Variants in ZNF264 observed in about 807,000 individuals in gnomAD.
ZNF264 encodes zinc finger protein 264.
A neutral mutation model predicts 11.2 loss-of-function variants in ZNF264; 11 were observed. That is an observed-to-expected ratio of 0.98 (90% confidence interval 0.62 to 1.63). The LOEUF is 1.63. ZNF264 is among the 40% of genes most tolerant of loss of function. The pLI, the probability that ZNF264 is intolerant of heterozygous loss-of-function variation, is 0.00. For synonymous variants in ZNF264, 309 were observed against 279.8 expected (o/e 1.10, Z -1.04); for missense variants, 752 against 768.1 (o/e 0.98, Z 0.25).
At chr19:57,205,585 T>C in intron 3 of ZNF264, 93 bp downstream of exon 3, 1 of 1,121,350 alleles carries the variant, frequency 8.9e-7, no homozygotes, top group South Asian at 1.3e-5. Flanking sequence ...AGCTTCTCAT[T>C]GTGGCCTCTC....
chr19:57,214,942 T>C lies in ZNF264; in HGVS notation c.*1961T>C, dbSNP rs1345327443. On this transcript the variant is annotated 3_prime_UTR_variant, in exon 4 of 4. Coordinates refer to ENST00000263095, the MANE Select transcript of ZNF264 (RefSeq NM_003417.5). ...AGAGTATAATTGTTTTTATATATCA[T>C]TTGACATCATTCCCTTTGTTTGTAT... 6.6e-6 allele frequency: 1 copy of C among 152,248 alleles called. No homozygotes were observed. The highest frequency in any genetic ancestry group is 1.5e-5 in the Non-Finnish European group (1 of 68,042). The allele number at this position is 152,248 out of a possible 1,614,324, so 9.4% of individuals were successfully genotyped here.
In ZNF264 at chr19:57,191,889, G is replaced by A. The variant is rs781585773; in HGVS notation, c.-25G>A. Reference sequence around the variant, plus strand: ...GGCCGCCCGGGGCTCCTCTGTCCCAGCTCTGCGGCCCAGGGGGTGACGTGA... The same window carrying A: ...GGCCGCCCGGGGCTCCTCTGTCCCAACTCTGCGGCCCAGGGGGTGACGTGA... On this transcript the variant is annotated 5_prime_UTR_variant, in exon 1 of 4. Coordinates refer to ENST00000263095, the MANE Select transcript of ZNF264 (RefSeq NM_003417.5). 10 of 1,441,288 alleles carry A rather than the reference G, an allele frequency of 6.9e-6. No individual in the cohort carries two copies. In the African/African-American group the frequency reaches 1.3e-4, roughly 19 times the overall value. The allele number at this position is 1,441,288 out of a possible 1,614,324, so 89.3% of individuals were successfully genotyped here. A position where few individuals can be genotyped will look rare whatever the true frequency, so the allele number is the denominator to read the frequency against.
rs1308334604 is a variant in ZNF264, at chr19:57,216,861, AC to A, written c.*3882del. ...TACTAGTCTTCCTATAGGTTACTTC[AC>A]CTTTTTTTTTTTTAATAATTTGATT... On this transcript the variant is annotated 3_prime_UTR_variant, in exon 4 of 4. Coordinates refer to ENST00000263095, the MANE Select transcript of ZNF264 (RefSeq NM_003417.5). 2 of 125,548 alleles carry A rather than the reference AC, an allele frequency of 1.6e-5. No homozygotes were observed. Among genetic ancestry groups the A allele is most frequent in the Admixed American group, 7.7e-5 (1 of 12,982 alleles). 7.8% of individuals were successfully genotyped at this position (125,548 alleles called of 1,614,324 possible).
rs534341211 is a variant in ZNF264 at position 57,212,196 on chromosome 19, G to A, written c.1099G>A (p.Gly367Arg). The A allele has an allele frequency of 3.8e-5, 62 of 1,614,170 alleles. No individual in the cohort carries two copies. The highest frequency in any genetic ancestry group is 3.7e-4 in the Admixed American group (22 of 60,024). Residue 367 changes from glycine to arginine, a missense_variant, in exon 4 of 4, where the codon GGG (glycine) becomes AGG (arginine). Physicochemically the swap from Gly to Arg is moderately radical, Grantham distance 125. Transcript: ENST00000263095. ...CATGTGGCACCAGCAGACTCATACC[G>A]GGGAGAAGCCCTATGAGTGCAGTGA... is the stretch of plus-strand genomic sequence containing the variant. ...YLMWHQQTHTGEKPYECSECG... is the reference protein window; with the variant it reads ...YLMWHQQTHTREKPYECSECG...
rs2087408112 is a variant in ZNF264, at chr19:57,220,261, A to G, written c.*7280A>G. 1 of 152,220 alleles carries G rather than the reference A, an allele frequency of 6.6e-6. No homozygotes were observed. Among genetic ancestry groups the G allele is most frequent in the African/African-American group, 2.4e-5 (1 of 41,450 alleles). The allele number at this position is 152,220 out of a possible 1,614,324, so 9.4% of individuals were successfully genotyped here. ...TGCTATAATCTGTTACTCTCATTCG[A>G]CAATACATCTTGACTGTTTCTTCAA... On this transcript the variant is annotated 3_prime_UTR_variant, in exon 4 of 4. Transcript: ENST00000263095.
rs1293923580 is a variant in ZNF264, at chr19:57,211,929, C to T, written c.832C>T (p.Gln278Ter). 1 of 1,613,644 alleles carries T rather than the reference C, an allele frequency of 6.2e-7. No individual in the cohort carries two copies. Among genetic ancestry groups the T allele is most frequent in the Admixed American group, 1.7e-5 (1 of 59,980 alleles). The change falls in exon 4 of 4, where the codon CAG becomes TAG. Residue 278 changes from glutamine to a stop codon, truncating the protein, a stop_gained. Coordinates refer to ENST00000263095, the MANE Select transcript of ZNF264 (RefSeq NM_003417.5). LOFTEE classifies it low-confidence loss of function (END_TRUNC). ...CCGCAAGTCATACCTTACCCAGCAC[C>T]AGCGGATTCACAGTGGAGAGAAGCC... ...FNRKSYLTQH[Q>*]RIHSGEKPYK...
intron 2 of ZNF264, among the ~76,000 whole-genome samples, chr19:57,202,716 C>A (rs2087262287): frequency 6.6e-6 from 1 of 151,924 alleles, no homozygotes; most frequent in Non-Finnish European, 1.5e-5. Flanking sequence ...CTAGGAGTCT[C>A]TTCATCTGTA....
intron 3 of ZNF264, 25 bp from the exon 4 acceptor site, chr19:57,211,329 C>T: frequency 1.3e-6 from 2 of 1,568,704 alleles, no homozygotes; most frequent in Non-Finnish European, 1.7e-6. Context: ...CTAACAGGCC[C>T]TTTTGTGTGC....
In ZNF264 at chr19:57,215,959, A is replaced by G. The variant is rs2087377105; in HGVS notation, c.*2978A>G. ...TCTGCTGTTACTGGGTGGAGTTTCT[A>G]TAAATGTCTCTATGATCCTGCTCAT... is the stretch of plus-strand genomic sequence containing the variant. On this transcript the variant is annotated 3_prime_UTR_variant, in exon 4 of 4. Coordinates refer to ENST00000263095, the MANE Select transcript of ZNF264 (RefSeq NM_003417.5). 6.6e-6 allele frequency: 1 copy of G among 152,188 alleles called. No individual in the cohort carries two copies. 9.4% of individuals were successfully genotyped at this position (152,188 alleles called of 1,614,324 possible).
In ZNF264 at chr19:57,213,055, A is replaced by T. The variant is rs1311312872; in HGVS notation, c.*74A>T. On this transcript the variant is annotated 3_prime_UTR_variant, in exon 4 of 4. Transcript: ENST00000263095. ...AGAAATTCGTTCAGTCTAGAGCCTT[A>T]TTCTCCATCTGATAATTTATCCTGG... 11 of 1,410,374 alleles carry T rather than the reference A, an allele frequency of 7.8e-6. No individual in the cohort carries two copies. The highest frequency in any genetic ancestry group is 2.9e-5 in the African/African-American group (2 of 69,646). 87.4% of individuals were successfully genotyped at this position (1,410,374 alleles called of 1,614,324 possible).
At chr19:57,207,180 T>G (rs953521720) in intron 3 of ZNF264, among the ~76,000 whole-genome samples, 1 of 151,884 alleles carries the variant, frequency 6.6e-6, no homozygotes, top group Non-Finnish European at 1.5e-5. Flanking sequence ...CCAGGCAGAT[T>G]AGGGGACTGG....
intron 2 of ZNF264, among the ~76,000 whole-genome samples, chr19:57,199,630 TC>T (rs1454118580): frequency 6.6e-6 from 1 of 151,870 alleles, no homozygotes; most frequent in African/African-American, 2.4e-5. Flanking sequence ...TCCAGCATTA[TC>T]CCACACCCTT....
At position 57,214,770 on chromosome 19, in the gene ZNF264, G is replaced by A. The variant is rs549230335; in HGVS notation, c.*1789G>A. The A allele has an allele frequency of 2.0e-5, 3 of 152,282 alleles. No individual in the cohort carries two copies. Among genetic ancestry groups the A allele is most frequent in the Non-Finnish European group, 4.4e-5 (3 of 68,032 alleles). 9.4% of individuals were successfully genotyped at this position (152,282 alleles called of 1,614,324 possible). On this transcript the variant is annotated 3_prime_UTR_variant, in exon 4 of 4. Coordinates refer to ENST00000263095, the MANE Select transcript of ZNF264 (RefSeq NM_003417.5). ...AGACTCTGTGTTGCTATGAATAAGT[G>A]TGGAATTTTGTTCAGTACTTTTTCT...
chr19:57,193,594 C>T (rs1476691359), intron 1 of ZNF264: 4 of 947,632 alleles, frequency 4.2e-6, no homozygotes, highest in Non-Finnish European at 5.0e-6. Flanking sequence ...ATTTCCCTGT[C>T]GTTTTAGAGC....
Position 57,212,593 on chromosome 19 carries a change from C to T in ZNF264, c.1496C>T (p.Thr499Met), listed in dbSNP as rs147865767. ...GKAFTRMSGL[T>M]RHKRIHSGEK... ...GCCTTCACCCGCATGTCGGGCCTCA[C>T]GAGGCACAAGCGGATTCATAGTGGA... Residue 499 changes from threonine to methionine, a missense_variant, in exon 4 of 4, where the codon ACG becomes ATG. Physicochemically the swap from Thr to Met is moderately conservative, Grantham distance 81. Transcript: ENST00000263095. 2.7e-5 allele frequency: 43 copies of T among 1,613,966 alleles called. No individual in the cohort carries two copies. In the African/African-American group the frequency reaches 2.7e-4, roughly 10 times the overall value.
At chr19:57,210,736 A>G (rs892218705) in intron 3 of ZNF264, among the ~76,000 whole-genome samples, 2 of 152,150 alleles carry the variant, frequency 1.3e-5, no homozygotes, top group African/African-American at 4.8e-5. Flanking sequence ...CCTTCTAATC[A>G]CGTGGTTTAG....
At position 57,218,750 on chromosome 19, in the gene ZNF264, T is replaced by C. The variant is rs1255251139; in HGVS notation, c.*5769T>C. 1 of 152,342 alleles carries C rather than the reference T, an allele frequency of 6.6e-6. No individual in the cohort carries two copies. Among genetic ancestry groups the C allele is most frequent in the Non-Finnish European group, 1.5e-5 (1 of 68,040 alleles). The allele number at this position is 152,342 out of a possible 1,614,324, so 9.4% of individuals were successfully genotyped here. On this transcript the variant is annotated 3_prime_UTR_variant, in exon 4 of 4. Transcript: ENST00000263095. ...TGATTGTTTTCTTTGTCATACCTAA[T>C]CTGTTGAGTTTGTGCAGTGAGTTTT...
At chr19:57,205,784 A>G (rs1417353151) in intron 3 of ZNF264, among the ~76,000 whole-genome samples, 1 of 152,200 alleles carries the variant, frequency 6.6e-6, no homozygotes, top group Non-Finnish European at 1.5e-5. Context: ...GTGGCTTGCC[A>G]GTCACCTGCT....
chr19:57,207,874 A>G (rs1276827569), intron 3 of ZNF264, among the ~76,000 whole-genome samples: 1 of 151,960 alleles, frequency 6.6e-6, no homozygotes, highest in Non-Finnish European at 1.5e-5. Context: ...TTATAGGTGC[A>G]TGCCACCACG....
Sources: allele counts gnomAD v4.1 joint callset (sites outside exome capture counted in the v4.1 genomes callset), GRCh38; gene constraint gnomAD v4.1.1; transcripts MANE v1.5; gene names NCBI Gene and HGNC (gene_info 2026-07-23, HGNC 2026-07-21).